The following LCORL variants were observed in gnomAD, a reference collection of about 807,000 sequenced individuals.
LCORL encodes ligand dependent nuclear receptor corepressor like.
LCORL carries 41 observed loss-of-function variants against 141.8 expected under a neutral mutation model. The observed-to-expected ratio is 0.29, with a 90% CI of 0.23 to 0.38. LCORL has a LOEUF of 0.38. LCORL is among the 10% of genes least tolerant of loss of function. LCORL has a pLI of 1.00. For synonymous variants in LCORL, 618 were observed against 694.1 expected (o/e 0.89, Z 1.72); for missense variants, 1,759 against 2,035.0 (o/e 0.86, Z 2.61).
intron 1 of LCORL, among the ~76,000 whole-genome samples, chr4:18,014,587 G>A (rs962287117): frequency 2.0e-5 from 3 of 152,166 alleles, no homozygotes; most frequent in African/African-American, 7.2e-5. Context: ...GTAGCAAGCA[G>A]GATAGGGTTG....
chr4:18,017,207 A>G (rs1013717119), intron 1 of LCORL, among the ~76,000 whole-genome samples: 1 of 152,136 alleles, frequency 6.6e-6, no homozygotes, highest in South Asian at 2.1e-4. Context: ...GATAAAAACA[A>G]CTGAGTAAAT....
chr4:17,918,455 T>G (rs914391065), intron 4 of LCORL, among the ~76,000 whole-genome samples: 2 of 152,082 alleles, frequency 1.3e-5, no homozygotes, highest in Non-Finnish European at 1.5e-5. Flanking sequence ...AAGGAAACCA[T>G]GTATAAACAA....
chr4:17,902,159 A>G (rs1730984715), intron 5 of LCORL, among the ~76,000 whole-genome samples: 2 of 152,218 alleles, frequency 1.3e-5, no homozygotes, highest in East Asian at 3.9e-4. Context: ...GAGAGACACA[A>G]GATGTGGCTG....
At chr4:17,958,346 C>T (rs1311875276) in intron 4 of LCORL, among the ~76,000 whole-genome samples, 1 of 151,558 alleles carries the variant, frequency 6.6e-6, no homozygotes, top group African/African-American at 2.4e-5. Flanking sequence ...ATATAGATAG[C>T]AGTATGATTC....
intron 1 of LCORL, among the ~76,000 whole-genome samples, chr4:17,983,052 T>C (rs915334109): frequency 1.3e-5 from 2 of 152,224 alleles, no homozygotes; most frequent in Non-Finnish European, 2.9e-5. Context: ...TTTTGTTAGC[T>C]TTGTTGAAGA....
intron 4 of LCORL, among the ~76,000 whole-genome samples, chr4:17,931,848 CCTTA>C (rs1243277027): frequency 3.3e-5 from 5 of 151,866 alleles, no homozygotes; most frequent in African/African-American, 7.3e-5. Context: ...TCTTTTATAT[CCTTA>C]CTTACTTTAG....
intron 4 of LCORL, chr4:17,912,121 G>A (rs372050805): frequency 4.4e-5 from 38 of 871,238 alleles, no homozygotes; most frequent in Admixed American, 1.0e-4. Flanking sequence ...TCAAATTTTC[G>A]CAAATACTGT....
At chr4:17,889,202 G>A (rs1405321313) in intron 5 of LCORL, among the ~76,000 whole-genome samples, 1 of 151,976 alleles carries the variant, frequency 6.6e-6, no homozygotes, top group Admixed American at 6.6e-5. Flanking sequence ...CTACATATAA[G>A]CTCTACTCCA....
chr4:17,891,010 A>C (rs1728991880), intron 5 of LCORL, among the ~76,000 whole-genome samples: 1 of 152,060 alleles, frequency 6.6e-6, no homozygotes, highest in African/African-American at 2.4e-5. Flanking sequence ...GCCTTTTGCT[A>C]TTCTCCTCTC....
intron 1 of LCORL, among the ~76,000 whole-genome samples, chr4:18,002,375 C>T (rs1341661899): frequency 6.6e-6 from 1 of 151,816 alleles, no homozygotes; most frequent in African/African-American, 2.4e-5. Context: ...AAGGTGCTCT[C>T]ACCAGCACCA....
At chr4:17,982,913 C>T (rs1437866500) in intron 1 of LCORL, among the ~76,000 whole-genome samples, 1 of 152,132 alleles carries the variant, frequency 6.6e-6, no homozygotes, top group African/African-American at 2.4e-5. Flanking sequence ...ACATTTAAGT[C>T]TTTAATCCAT....
chr4:17,974,721 TAGTC>T (rs1409361426), intron 1 of LCORL, among the ~76,000 whole-genome samples: 1 of 152,154 alleles, frequency 6.6e-6, no homozygotes, highest in Non-Finnish European at 1.5e-5. Context: ...TATTAATTAT[TAGTC>T]AGACTTGGAG....
chr4:17,953,060 T>C (rs906199591), intron 4 of LCORL, among the ~76,000 whole-genome samples: 4 of 152,220 alleles, frequency 2.6e-5, no homozygotes, highest in African/African-American at 9.6e-5. Context: ...TCCATGTTGC[T>C]GCAAAGGACA....
At chr4:17,887,824 T>C (rs191384697) in intron 5 of LCORL, among the ~76,000 whole-genome samples, 3 of 152,210 alleles carry the variant, frequency 2.0e-5, no homozygotes, top group African/African-American at 4.8e-5. Flanking sequence ...GCTGGGAAAG[T>C]GCTATGCTAT....
intron 5 of LCORL, among the ~76,000 whole-genome samples, chr4:17,897,213 C>CCTTTTTT (rs1553863446): frequency 0.014 from 902 of 63,986 alleles, 425 homozygotes; most frequent in Admixed American, 0.017. Flanking sequence ...ATACTGATTT[C>CCTTTTTT]TTTTTTTTTT....
intron 6 of LCORL, among the ~76,000 whole-genome samples, chr4:17,885,387 C>G (rs981330574): frequency 6.6e-6 from 1 of 151,876 alleles, no homozygotes; most frequent in African/African-American, 2.4e-5. Context: ...GCTTACTATA[C>G]CTTACGACTC....
intron 1 of LCORL, among the ~76,000 whole-genome samples, chr4:18,000,479 T>C (rs559845804): frequency 3.3e-4 from 51 of 152,298 alleles, no homozygotes; most frequent in African/African-American, 1.2e-3. Flanking sequence ...GAATGTGTAA[T>C]GTCTAAGAAT....
chr4:18,001,377 T>G (rs114991325), intron 1 of LCORL, among the ~76,000 whole-genome samples: 1 of 152,132 alleles, frequency 6.6e-6, no homozygotes, highest in Admixed American at 6.6e-5. Context: ...GTGCTCAAAG[T>G]AGAATGAAAA....
chr4:17,970,156 G>A (rs1275380224), intron 2 of LCORL, among the ~76,000 whole-genome samples: 1 of 152,146 alleles, frequency 6.6e-6, no homozygotes, highest in Admixed American at 6.6e-5. Context: ...AAGTACCATA[G>A]TACGGTGGAA....
Sources: allele counts gnomAD v4.1 joint callset (sites outside exome capture counted in the v4.1 genomes callset), GRCh38; gene constraint gnomAD v4.1.1; transcripts MANE v1.5; gene names NCBI Gene and HGNC (gene_info 2026-07-23, HGNC 2026-07-21).